Variants in PLD5 observed in about 807,000 individuals in gnomAD.
PLD5 encodes phospholipase D family member 5, also known as inactive phospholipase D5.
A neutral mutation model predicts 61.1 loss-of-function variants in PLD5; 36 were observed. The ratio of observed to expected loss-of-function variants is 0.59; its 90% confidence interval spans 0.45 to 0.78. The LOEUF (loss-of-function observed/expected upper bound fraction) is 0.78, where lower values mean the gene tolerates loss of function less well. Ranked by LOEUF, PLD5 falls within the 30% of genes least tolerant of loss-of-function variation. PLD5 has a pLI of 0.00. For missense variants in PLD5, 515 were observed against 644.4 expected (o/e 0.80, Z 2.17); for synonymous variants, 243 against 242.8 (o/e 1.00, Z -0.01).
chr1:242,147,228 C>T (rs560070147), intron 5 of PLD5, among the ~76,000 whole-genome samples: 3 of 152,258 alleles, frequency 2.0e-5, no homozygotes, highest in East Asian at 3.9e-4. Context: ...TGTAGTTTGG[C>T]TTTCTTAAGA....
At chr1:242,366,220 C>T (rs1661332301) in intron 1 of PLD5, among the ~76,000 whole-genome samples, 1 of 152,136 alleles carries the variant, frequency 6.6e-6, no homozygotes, top group Non-Finnish European at 1.5e-5. Context: ...TATTTAATGT[C>T]TTCTCTGTGC....
chr1:242,389,267 G>A (rs1244419863), intron 1 of PLD5, among the ~76,000 whole-genome samples: 1 of 152,038 alleles, frequency 6.6e-6, no homozygotes, highest in African/African-American at 2.4e-5. Flanking sequence ...AATCTTAAAT[G>A]CTAGCCCCCT....
At chr1:242,486,395 G>A (rs1239406774) in intron 1 of PLD5, among the ~76,000 whole-genome samples, 1 of 152,148 alleles carries the variant, frequency 6.6e-6, no homozygotes, top group Non-Finnish European at 1.5e-5. Context: ...CAAAAAGTGG[G>A]CGAAGGATAT....
intron 1 of PLD5, among the ~76,000 whole-genome samples, chr1:242,477,803 A>G (rs1247136774): frequency 7.9e-5 from 12 of 152,186 alleles, no homozygotes; most frequent in Non-Finnish European, 1.5e-5. Context: ...ATTTAAGATT[A>G]GCCTGGAGCA....
chr1:242,098,032 G>A (rs1317767500), intron 9 of PLD5, among the ~76,000 whole-genome samples: 1 of 152,098 alleles, frequency 6.6e-6, no homozygotes, highest in Non-Finnish European at 1.5e-5. Context: ...GTTTTTGTCA[G>A]GTTTGTCAAA....
chr1:242,320,529 C>A (rs1467736574), intron 2 of PLD5, among the ~76,000 whole-genome samples: 1 of 152,156 alleles, frequency 6.6e-6, no homozygotes, highest in Admixed American at 6.5e-5. Flanking sequence ...CTGCTGCACA[C>A]AGCAAAGCTT....
intron 2 of PLD5, among the ~76,000 whole-genome samples, chr1:242,344,021 G>A (rs1444533115): frequency 6.6e-6 from 1 of 152,126 alleles, no homozygotes; most frequent in African/African-American, 2.4e-5. Context: ...ACCAGCCCAG[G>A]AAGACAGTCT....
intron 2 of PLD5, among the ~76,000 whole-genome samples, chr1:242,318,801 T>C (rs201115163): frequency 6.6e-6 from 1 of 152,100 alleles, no homozygotes; most frequent in African/African-American, 2.4e-5. Flanking sequence ...ATAACTTTTT[T>C]AAATTGTGGG....
intron 4 of PLD5, among the ~76,000 whole-genome samples, chr1:242,221,732 G>A (rs1236547862): frequency 6.6e-6 from 1 of 152,118 alleles, no homozygotes; most frequent in African/African-American, 2.4e-5. Context: ...GAGGAACTTG[G>A]GTATGGCAGA....
chr1:242,512,233 A>G (rs1467332503), intron 1 of PLD5, among the ~76,000 whole-genome samples: 2 of 150,778 alleles, frequency 1.3e-5, no homozygotes. Context: ...AACACGGTGA[A>G]ACCTCGTCTC....
intron 1 of PLD5, among the ~76,000 whole-genome samples, chr1:242,450,392 T>C (rs769628138): frequency 2.2e-4 from 33 of 152,226 alleles, no homozygotes; most frequent in Admixed American, 1.7e-3. Flanking sequence ...CTAGAATATT[T>C]ACTAGCTGAG....
At chr1:242,453,666 C>A (rs771067159) in intron 1 of PLD5, among the ~76,000 whole-genome samples, 4 of 152,106 alleles carry the variant, frequency 2.6e-5, no homozygotes, top group Non-Finnish European at 5.9e-5. Flanking sequence ...ACTGCGACAC[C>A]CACTCCCTAC....
chr1:242,089,404 CG>C lies in PLD5; in HGVS notation c.*449del. The C allele has an allele frequency of 2.5e-6, 1 of 399,574 alleles. No individual in the cohort carries two copies. Among genetic ancestry groups the C allele is most frequent in the Non-Finnish European group, 4.4e-6 (1 of 227,040 alleles). The allele number at this position is 399,574 out of a possible 1,614,324, so 24.8% of individuals were successfully genotyped here. ...TAGCTGACTGTGTAGGTCTTGGAGA[CG>C]ATTTACAAGAATAAACACTTGGTTT... On this transcript the variant is annotated 3_prime_UTR_variant, in exon 10 of 10. Coordinates refer to ENST00000536534, the MANE Select transcript of PLD5 (RefSeq NM_001372062.1).
chr1:242,476,758 C>T (rs1023490139), intron 1 of PLD5, among the ~76,000 whole-genome samples: 4 of 152,166 alleles, frequency 2.6e-5, no homozygotes, highest in Non-Finnish European at 5.9e-5. Context: ...TGTTCTTCTC[C>T]CACCCCAGGT....
chr1:242,273,133 G>A (rs926092230), intron 3 of PLD5, among the ~76,000 whole-genome samples: 1 of 151,424 alleles, frequency 6.6e-6, no homozygotes, highest in African/African-American at 2.4e-5. Context: ...GTGTCCATGT[G>A]TTCTCATTGT....
intron 9 of PLD5, among the ~76,000 whole-genome samples, chr1:242,099,748 A>G (rs543387943): frequency 6.6e-6 from 1 of 152,244 alleles, no homozygotes; most frequent in African/African-American, 2.4e-5. Flanking sequence ...AAAAGGGTAC[A>G]TTTTTTACTC....
chr1:242,422,043 T>C (rs1176395236), intron 1 of PLD5, among the ~76,000 whole-genome samples: 3 of 152,236 alleles, frequency 2.0e-5, no homozygotes, highest in Non-Finnish European at 4.4e-5. Flanking sequence ...TTTAGGCTGA[T>C]TCCAGAAGGT....
intron 1 of PLD5, among the ~76,000 whole-genome samples, chr1:242,507,864 T>G (rs1204944915): frequency 6.6e-6 from 1 of 152,222 alleles, no homozygotes; most frequent in Non-Finnish European, 1.5e-5. Flanking sequence ...GGTGCGAGGC[T>G]AGATACTGGC....
At chr1:242,482,791 T>A in intron 1 of PLD5, among the ~76,000 whole-genome samples, 1 of 152,106 alleles carries the variant, frequency 6.6e-6, no homozygotes, top group Non-Finnish European at 1.5e-5. Context: ...GGAAAAAATG[T>A]TAAGGGCAGC....
Sources: gnomAD v4.1 joint callset for allele counts (sites outside exome capture counted in the v4.1 genomes callset) on GRCh38, gnomAD v4.1.1 for gene constraint, MANE v1.5 for transcripts, NCBI Gene and HGNC (gene_info 2026-07-23, HGNC 2026-07-21) for gene names.